ANO4: variants seen among roughly 807,000 people sequenced by gnomAD.
ANO4 encodes anoctamin-4.
A neutral mutation model predicts 141.9 loss-of-function variants in ANO4; 69 were observed. The observed-to-expected ratio is 0.49, with a 90% CI of 0.40 to 0.59. The LOEUF is 0.59. Among genes scored for constraint, ANO4 ranks in the 20% least tolerant of loss-of-function variants. The probability of loss-of-function intolerance (pLI) is 0.00; values close to 1 mark genes in which losing one functional copy is unlikely to be tolerated. For missense variants in ANO4, 894 were observed against 1,162.2 expected (o/e 0.77, Z 3.36); for synonymous variants, 350 against 394.3 (o/e 0.89, Z 1.33).
intron 14 of ANO4, chr12:101,069,264 A>G (rs1818851907): frequency 9.4e-6 from 10 of 1,060,130 alleles, no homozygotes; most frequent in Admixed American, 5.1e-5. Context: ...AAAAGAAATG[A>G]ATGTGAAAGA....
At position 101,010,245 on chromosome 12, in the gene ANO4, T is replaced by G. The variant is rs117916666; in HGVS notation, c.735-9789T>G. ...GGGATTTTGAGAGAGACAGAAAAAT[T>G]GTATGCAAATGTTTAATTTTCCATC... On this transcript the variant is annotated intron_variant, in intron 8 of 27. Coordinates refer to ENST00000392977, the MANE Select transcript of ANO4 (RefSeq NM_001286615.2). 1.7e-3 allele frequency among the ~76,000 whole-genome samples: 254 copies of G among 152,264 alleles called. 3 individuals are homozygous for G. The South Asian group carries it at 0.024, about 14-fold the overall frequency.
At chr12:100,998,379 T>TTATCTATC (rs5800449) in intron 8 of ANO4, among the ~76,000 whole-genome samples, 49,741 of 148,660 alleles carry the variant, frequency 0.33, 8,431 homozygotes, top group African/African-American at 0.36. Context: ...AAACTCCCCT[T>TTATCTATC]TATCTATCTA....
intron 8 of ANO4, among the ~76,000 whole-genome samples, chr12:100,996,275 A>C (rs955740444): frequency 3.9e-5 from 6 of 152,214 alleles, no homozygotes; most frequent in Non-Finnish European, 5.9e-5. Context: ...CTATGCTGTG[A>C]GCTAGGGCAT....
chr12:100,912,520 C>T (rs935440465), intron 2 of ANO4, among the ~76,000 whole-genome samples: 6 of 149,438 alleles, frequency 4.0e-5, no homozygotes, highest in Non-Finnish European at 8.9e-5. Context: ...GGTGACAGAG[C>T]GAGACTCCGT....
In ANO4 at chr12:100,722,614, G is replaced by A. The variant is rs59651681; in HGVS notation, c.22+5067G>A. Reference sequence around the variant, plus strand: ...TTAGGGTAAGCCCTTTCCATAGCAGGTTCTAATTTTGTACTGCGGTGAGTA... The same window carrying A: ...TTAGGGTAAGCCCTTTCCATAGCAGATTCTAATTTTGTACTGCGGTGAGTA... On this transcript the variant is annotated intron_variant, in intron 1 of 29. Coordinates refer to the ANO4 transcript ENST00000644049. Among the ~76,000 whole-genome samples, 627 of 152,154 alleles carry A rather than the reference G, an allele frequency of 4.1e-3. 10 individuals carry two copies. In the East Asian group the frequency reaches 0.053, roughly 13 times the overall value.
chr12:100,731,703 T>C (rs768028942), intron 1 of ANO4, among the ~76,000 whole-genome samples: 11 of 152,238 alleles, frequency 7.2e-5, no homozygotes, highest in Non-Finnish European at 1.3e-4. Context: ...ATTGTCTCCA[T>C]AGTTTTGCCT....
intron 24 of ANO4, 138 bp from the exon 25 acceptor site, chr12:101,116,541 C>A: frequency 8.0e-7 from 1 of 1,251,008 alleles, no homozygotes; most frequent in South Asian, 1.4e-5. Context: ...CGTATCCCAA[C>A]CTGAGTCCTG....
chr12:100,900,780 C>T (rs1327301335), intron 1 of ANO4, among the ~76,000 whole-genome samples: 1 of 152,134 alleles, frequency 6.6e-6, no homozygotes, highest in East Asian at 1.9e-4. Flanking sequence ...AAGAATTCTT[C>T]TGTAGTGAAG....
At position 101,087,533 on chromosome 12, in the gene ANO4, AAAAC is replaced by A. The variant is rs562002623; in HGVS notation, c.1701+717_1701+720del. Among the ~76,000 whole-genome samples the A allele has an allele frequency of 1.3e-4, 20 of 152,178 alleles. No homozygotes were observed. The South Asian group carries it at 4.0e-3, about 30-fold the overall frequency. On this transcript the variant is annotated intron_variant, in intron 17 of 27. Transcript: ENST00000392977. The stretch of plus-strand genomic sequence containing the variant: ...GGAGACCCTGTCTCAAAAAAACACA[AAAAC>A]AAACAAAAACCAAAGCATTCCTTGA...
intron 26 of ANO4, among the ~76,000 whole-genome samples, chr12:101,120,886 A>T (rs1360078758): frequency 6.6e-6 from 1 of 152,270 alleles, no homozygotes; most frequent in East Asian, 1.9e-4. Flanking sequence ...CTGGGGCCAT[A>T]GTTCTTAAAC....
chr12:100,978,801 A>G (rs1278923283), intron 7 of ANO4, among the ~76,000 whole-genome samples: 1 of 152,214 alleles, frequency 6.6e-6, no homozygotes, highest in East Asian at 1.9e-4. Context: ...GTAAAAGAAG[A>G]CTGGAAATCG....
Position 101,005,448 on chromosome 12 carries a change from G to A in ANO4, c.735-14586G>A, listed in dbSNP as rs1221499349. Among the ~76,000 whole-genome samples the A allele has an allele frequency of 7.9e-5, 12 of 152,304 alleles. No individual in the cohort carries two copies. The East Asian group carries it at 2.3e-3, about 29-fold the overall frequency. ...AAGTACCAGTTCTGTGGCAAGAACT[G>A]TGTAGAGCTGGACAAAGATGAATGA... is the stretch of plus-strand genomic sequence containing the variant. On this transcript the variant is annotated intron_variant, in intron 8 of 27. Transcript: ENST00000392977.
chr12:100,975,811 ATCCTT>A (rs1427673831), intron 7 of ANO4, among the ~76,000 whole-genome samples: 1 of 151,848 alleles, frequency 6.6e-6, no homozygotes, highest in East Asian at 1.9e-4. Context: ...GCAGATAGTC[ATCCTT>A]AGCTGCTGGC....
intron 3 of ANO4, among the ~76,000 whole-genome samples, chr12:100,777,705 T>C (rs2033572186): frequency 6.6e-6 from 1 of 152,296 alleles, no homozygotes; most frequent in African/African-American, 2.4e-5. Flanking sequence ...AAATTTAATC[T>C]TCATCTTTCC....
intron 1 of ANO4, among the ~76,000 whole-genome samples, chr12:100,858,147 G>C (rs2038279687): frequency 6.6e-6 from 1 of 151,696 alleles, no homozygotes; most frequent in Admixed American, 6.6e-5. Flanking sequence ...TCTGAGAAAT[G>C]CATTGTTAGC....
chr12:100,954,946 T>C (rs1214591021), intron 5 of ANO4, among the ~76,000 whole-genome samples: 1 of 152,212 alleles, frequency 6.6e-6, no homozygotes, highest in Non-Finnish European at 1.5e-5. Flanking sequence ...GTGTTTGTGA[T>C]GCAGGGGAGG....
At chr12:101,036,769 G>T (rs567544819) in intron 9 of ANO4, among the ~76,000 whole-genome samples, 95 of 152,312 alleles carry the variant, frequency 6.2e-4, no homozygotes, top group African/African-American at 2.2e-3. Context: ...GGGATCTAAT[G>T]TACAGCATGG....
chr12:100,806,217 A>G (rs571379451), intron 1 of ANO4, among the ~76,000 whole-genome samples: 1 of 151,620 alleles, frequency 6.6e-6, no homozygotes, highest in Admixed American at 6.5e-5. Flanking sequence ...TTCACAGGGT[A>G]TGTGAGTTTA....
At chr12:100,955,710 GA>G (rs1412371833) in intron 5 of ANO4, among the ~76,000 whole-genome samples, 1 of 152,204 alleles carries the variant, frequency 6.6e-6, no homozygotes, top group African/African-American at 2.4e-5. Flanking sequence ...AATACAGTTT[GA>G]AAAGTTCTAT....
Sources: gnomAD v4.1 joint callset for allele counts (sites outside exome capture counted in the v4.1 genomes callset) on GRCh38, gnomAD v4.1.1 for gene constraint, MANE v1.5 for transcripts, NCBI Gene and HGNC (gene_info 2026-07-23, HGNC 2026-07-21) for gene names.